SMC1B: variants seen among roughly 807,000 people sequenced by gnomAD.
SMC1B encodes structural maintenance of chromosomes protein 1B.
In SMC1B, 60 loss-of-function variants were observed where a neutral mutation model predicts 157.9. That is an observed-to-expected ratio of 0.38 (90% CI 0.31 to 0.47). SMC1B has a LOEUF of 0.47. Among genes scored for constraint, SMC1B ranks in the 20% least tolerant of loss-of-function variants. The probability of loss-of-function intolerance (pLI) is 0.99; values close to 1 mark genes in which losing one functional copy is unlikely to be tolerated. For missense variants in SMC1B, 1,165 were observed against 1,426.2 expected, an observed-to-expected ratio of 0.82 and a Z score of 2.95; for synonymous variants, 445 against 483.0, an observed-to-expected ratio of 0.92 and a Z score of 1.03.
In SMC1B at chr22:45,347,762, C is replaced by T. The variant is rs572740936; in HGVS notation, c.3495+1966G>A. On this transcript the variant is annotated intron_variant, in intron 23 of 24. Coordinates refer to ENST00000357450, the MANE Select transcript of SMC1B (RefSeq NM_148674.5). ...AGCCATCACGCCTGGCCCAGAATGC[C>T]AATTTATAAGTAAATGATGAGAAAT... 9.3e-4 allele frequency among the ~76,000 whole-genome samples: 142 copies of T among 152,254 alleles called. 1 individual carries two copies. Among genetic ancestry groups the T allele is most frequent in the Non-Finnish European group, 1.8e-3 (125 of 68,016 alleles).
rs1468766933 is a variant in SMC1B, at chr22:45,413,555, C to T, written c.13G>A (p.Glu5Lys). MAHL[E>K]LLLVENFKSW... ...TTGAAATTTTCCACAAGCAGCAGCT[C>T]CAGGTGGGCCATGGCGCCGCCCTCC... The change falls in exon 1 of 25, where the codon GAG becomes AAG. Residue 5 changes from glutamate to lysine, a missense_variant. Transcript: ENST00000357450. The T allele has an allele frequency of 5.6e-6, 9 of 1,607,792 alleles. No homozygotes were observed. In the South Asian group the frequency reaches 8.9e-5, roughly 16 times the overall value.
At chr22:45,410,596 G>A (rs1045436165) in intron 1 of SMC1B, among the ~76,000 whole-genome samples, 4 of 152,234 alleles carry the variant, frequency 2.6e-5, no homozygotes, top group Middle Eastern at 3.4e-3. Context: ...CCAGCTACTC[G>A]GGAGGCTGAG....
At chr22:45,355,191 G>A (rs1369086586) in intron 19 of SMC1B, 76 bp from the exon 20 acceptor site, 37 of 1,458,180 alleles carry the variant, frequency 2.5e-5, no homozygotes, top group Non-Finnish European at 2.5e-5. Context: ...CGTGTGTGGG[G>A]CACTTCACCA....
chr22:45,378,175 GTAGGAAGTATATTCC>G (rs1426455449), intron 12 of SMC1B, among the ~76,000 whole-genome samples: 4 of 151,894 alleles, frequency 2.6e-5, no homozygotes, highest in Non-Finnish European at 5.9e-5. Flanking sequence ...AAAGATAATG[GTAGGAAGTATATTCC>G]TATTCATCAG....
In SMC1B at chr22:45,361,832, T is replaced by G; in HGVS notation, c.2708+7A>C. 1 of 1,613,242 alleles carries G rather than the reference T, an allele frequency of 6.2e-7. No homozygotes were observed. The highest frequency in any genetic ancestry group is 1.7e-4 in the Middle Eastern group (1 of 6,054). On this transcript the variant is annotated splice_region_variant and intron_variant, in intron 17 of 24. Coordinates refer to ENST00000357450, the MANE Select transcript of SMC1B (RefSeq NM_148674.5). ...TAGGTCTTTCAAACTGATGAAGTCT[T>G]AATTACCTATCAACAGCCAGAAACT...
At position 45,353,961 on chromosome 22, in the gene SMC1B, G is replaced by C; in HGVS notation, c.3273+17C>G. On this transcript the variant is annotated intron_variant, in intron 21 of 24. Coordinates refer to ENST00000357450, the MANE Select transcript of SMC1B (RefSeq NM_148674.5). ...ACACAGAATTCTCACTAGTATTTGAGGATGAAAGATACATACTTGGGCGCT... is the reference window on the plus strand; with the variant it reads ...ACACAGAATTCTCACTAGTATTTGACGATGAAAGATACATACTTGGGCGCT... The C allele has an allele frequency of 1.4e-6, 2 of 1,390,198 alleles. No homozygotes were observed. Among genetic ancestry groups the C allele is most frequent in the Non-Finnish European group, 1.9e-6 (2 of 1,040,120 alleles). The allele number at this position is 1,390,198 out of a possible 1,614,324, so 86.1% of individuals were successfully genotyped here.
In SMC1B at chr22:45,386,952, A is replaced by G. The variant is rs2086996170; in HGVS notation, c.1826T>C (p.Ile609Thr). Residue 609 changes from isoleucine (I) to threonine (T), a missense_variant, in exon 11 of 25, where the codon ATT (isoleucine) becomes ACT (threonine). Physicochemically the swap from Ile to Thr is moderately conservative, Grantham distance 89. Transcript: ENST00000357450. ...KTQFPQLKKV[I>T]QFVCGNGLVC... ...AAGACCATTTCCACACACAAACTGAATCACTTTCTTCAGCTGAGGAAACTG... is the reference window on the plus strand; with the variant it reads ...AAGACCATTTCCACACACAAACTGAGTCACTTTCTTCAGCTGAGGAAACTG... 2 of 1,614,012 alleles carry G rather than the reference A, an allele frequency of 1.2e-6. No homozygotes were observed. The highest frequency in any genetic ancestry group is 1.7e-6 in the Non-Finnish European group (2 of 1,180,014).
chr22:45,347,300 A>G (rs905574659), intron 23 of SMC1B, among the ~76,000 whole-genome samples: 1 of 152,154 alleles, frequency 6.6e-6, no homozygotes, highest in Non-Finnish European at 1.5e-5. Context: ...TTTTGGGGGT[A>G]TGGAGTTGAT....
In SMC1B at chr22:45,354,058, G is replaced by A. The variant is rs2086645169; in HGVS notation, c.3193C>T (p.Leu1065Phe). ...ACATGCTCAAAACACTGGGTGAAAA[G>A]ATCGTATCTCCTTTTTTTCACTTGC... ...FEQVKKRRYD[L>F]FTQCFEHVSI... Residue 1065 changes from leucine (L) to phenylalanine (F), a missense_variant, in exon 21 of 25, where the codon CTT becomes TTT. Transcript: ENST00000357450. 2 of 1,603,422 alleles carry A rather than the reference G, an allele frequency of 1.2e-6. No homozygotes were observed. The highest frequency in any genetic ancestry group is 1.7e-6 in the Non-Finnish European group (2 of 1,176,290).
In SMC1B at chr22:45,370,043, G is replaced by A; in HGVS notation, c.2331C>T (p.Phe777=). ...CGCCAATTTCTTCACAGAAGTGTTG[G>A]AAGATATCGTCTTCTACCTTTTAAA... ...EKIDKVEDDI[F]QHFCEEIGVE... The change falls in exon 15 of 25, where the codon TTC becomes TTT. Residue 777 remains phenylalanine (F), a synonymous_variant. Coordinates refer to ENST00000357450, the MANE Select transcript of SMC1B (RefSeq NM_148674.5). 1 of 1,579,158 alleles carries A rather than the reference G, an allele frequency of 6.3e-7. No homozygotes were observed. Among genetic ancestry groups the A allele is most frequent in the Non-Finnish European group, 8.6e-7 (1 of 1,158,474 alleles).
chr22:45,398,057 A>G (rs1427817324), intron 6 of SMC1B, among the ~76,000 whole-genome samples: 1 of 152,120 alleles, frequency 6.6e-6, no homozygotes, highest in Non-Finnish European at 1.5e-5. Flanking sequence ...CAAGCCCCAG[A>G]GCTGAGGGCC....
chr22:45,366,431 G>A (rs2086776617), intron 15 of SMC1B, among the ~76,000 whole-genome samples: 1 of 152,162 alleles, frequency 6.6e-6, no homozygotes, highest in Non-Finnish European at 1.5e-5. Flanking sequence ...TTTTGGGAAT[G>A]TCAGTATATA....
chr22:45,402,152 G>C (rs1006868767), intron 5 of SMC1B, among the ~76,000 whole-genome samples, 181 bp downstream of exon 5: 6 of 152,044 alleles, frequency 3.9e-5, no homozygotes, highest in African/African-American at 1.4e-4. Flanking sequence ...CAAAGTGCTG[G>C]GATTACAGGC....
At chr22:45,371,682 G>A in intron 13 of SMC1B, 95 bp from the exon 14 acceptor site, 1 of 1,378,724 alleles carries the variant, frequency 7.3e-7, no homozygotes, top group African/African-American at 1.5e-5. Flanking sequence ...AATAAAAGAA[G>A]AATCTATGAG....
rs991944848 is a variant in SMC1B at position 45,380,436 on chromosome 22, A to C, written c.2058+3031T>G. ...TCTCTATGTTCTTTTCCTCCTTTCA[A>C]GAATTTATTAGTCTCACATCAAGTT... On this transcript the variant is annotated intron_variant, in intron 12 of 24. Coordinates refer to ENST00000357450, the MANE Select transcript of SMC1B (RefSeq NM_148674.5). Among the ~76,000 whole-genome samples, 5 of 152,198 alleles carry C rather than the reference A, an allele frequency of 3.3e-5. No individual in the cohort carries two copies. In the East Asian group the frequency reaches 7.7e-4, roughly 24 times the overall value.
Position 45,360,065 on chromosome 22 carries a change from CTG to C in SMC1B, c.2709-109_2709-108del, listed in dbSNP as rs1255291159. On this transcript the variant is annotated intron_variant, in intron 17 of 24. Coordinates refer to ENST00000357450, the MANE Select transcript of SMC1B (RefSeq NM_148674.5). ...TTTATGAAAAAAGAATTATTTATTC[CTG>C]TGAGTGCTGTAAGTTCTAGAATCCT... 3.8e-6 allele frequency: 3 copies of C among 788,950 alleles called. No homozygotes were observed. The African/African-American group carries it at 5.3e-5, about 14-fold the overall frequency. 48.9% of individuals were successfully genotyped at this position (788,950 alleles called of 1,614,324 possible).
chr22:45,363,650 TG>T (rs1238167567), intron 15 of SMC1B, among the ~76,000 whole-genome samples: 4 of 151,922 alleles, frequency 2.6e-5, no homozygotes, highest in Admixed American at 6.6e-5. Flanking sequence ...CACTCCAGCC[TG>T]GGTGACAAAG....
intron 11 of SMC1B, 23 bp from the exon 12 acceptor site, chr22:45,383,636 C>A: frequency 6.4e-7 from 1 of 1,568,392 alleles, no homozygotes; most frequent in South Asian, 1.2e-5. Context: ...AAATATTTTG[C>A]CCTGGAGAAA....
At chr22:45,358,911 T>A (rs1045152514) in intron 18 of SMC1B, 116 bp from the exon 19 acceptor site, 2 of 632,926 alleles carry the variant, frequency 3.2e-6, no homozygotes, top group African/African-American at 3.7e-5. Context: ...GTTATATAGA[T>A]CACCTTAACA....
Sources: gnomAD v4.1 joint callset for allele counts (sites outside exome capture counted in the v4.1 genomes callset) on GRCh38, gnomAD v4.1.1 for gene constraint, MANE v1.5 for transcripts, NCBI Gene and HGNC (gene_info 2026-07-23, HGNC 2026-07-21) for gene names.